The following ABCC4 variants were observed in gnomAD, a reference collection of about 807,000 sequenced individuals.
ABCC4 encodes ATP binding cassette subfamily C member 4 (PEL blood group).
ABCC4 carries 102 observed loss-of-function variants against 168.5 expected under a neutral mutation model. That is an observed-to-expected ratio of 0.61 (90% CI 0.52 to 0.71). The LOEUF (loss-of-function observed/expected upper bound fraction) is 0.71. Ranked by LOEUF, ABCC4 falls within the 30% of genes least tolerant of loss-of-function variation. The pLI, the probability that ABCC4 is intolerant of heterozygous loss-of-function variation, is 0.00. For synonymous variants in ABCC4, 617 were observed against 590.7 expected (o/e 1.04, Z -0.65); for missense variants, 1,402 against 1,605.8 (o/e 0.87, Z 2.17).
chr13:95,146,935 T>C (rs896918490), intron 19 of ABCC4, among the ~76,000 whole-genome samples: 17 of 152,128 alleles, frequency 1.1e-4, no homozygotes, highest in African/African-American at 3.9e-4. Context: ...TCTAAAACAT[T>C]CAAGGGTGGG....
At position 95,164,638 on chromosome 13, in the gene ABCC4, C is replaced by G. The variant is rs966270084; in HGVS notation, c.2035-120G>C. ...GGCAGAAGTCCAAAATGATCCATCT[C>G]CTGTGGAGAAGGGTGTGGAAATAGC... On this transcript the variant is annotated intron_variant, in intron 15 of 30. Transcript: ENST00000645237. The G allele has an allele frequency of 6.8e-6, 7 of 1,034,668 alleles. No individual in the cohort carries two copies. The East Asian group carries it at 1.8e-4, about 26-fold the overall frequency. 64.1% of individuals were successfully genotyped at this position (1,034,668 alleles called of 1,614,324 possible).
At chr13:95,035,593 T>C (rs1007910165) in intron 29 of ABCC4, among the ~76,000 whole-genome samples, 6 of 152,234 alleles carry the variant, frequency 3.9e-5, no homozygotes, top group African/African-American at 1.4e-4. Flanking sequence ...TCTTTGCTTC[T>C]TTCTCTTTCT....
chr13:95,161,373 T>C, intron 18 of ABCC4, 38 bp from the exon 19 acceptor site: 2 of 1,470,076 alleles, frequency 1.4e-6, no homozygotes, highest in East Asian at 2.4e-5. Flanking sequence ...ACACAGCATA[T>C]CTCTGCATTT....
intron 1 of ABCC4, among the ~76,000 whole-genome samples, chr13:95,265,885 G>C (rs1307387441): frequency 1.3e-5 from 2 of 152,118 alleles, no homozygotes; most frequent in African/African-American, 4.8e-5. Flanking sequence ...TGTGAAGGGG[G>C]AAAGACTAAA....
At chr13:95,027,704 A>C (rs957204034) in intron 30 of ABCC4, among the ~76,000 whole-genome samples, 1 of 152,238 alleles carries the variant, frequency 6.6e-6, no homozygotes, top group Non-Finnish European at 1.5e-5. Flanking sequence ...GTCAAGAAAC[A>C]GCATTTAGAG....
At chr13:95,191,094 G>C (rs535782973) in intron 9 of ABCC4, among the ~76,000 whole-genome samples, 1 of 152,296 alleles carries the variant, frequency 6.6e-6, no homozygotes, top group South Asian at 2.1e-4. Context: ...CACTGAGCTG[G>C]CGCAGCCCAC....
intron 19 of ABCC4, among the ~76,000 whole-genome samples, chr13:95,146,790 A>C (rs1483502924): frequency 6.6e-6 from 1 of 152,146 alleles, no homozygotes; most frequent in Non-Finnish European, 1.5e-5. Flanking sequence ...TTGTCAAATA[A>C]ATTTATAATG....
At chr13:95,036,093 A>T (rs919180490) in intron 29 of ABCC4, among the ~76,000 whole-genome samples, 3 of 152,188 alleles carry the variant, frequency 2.0e-5, no homozygotes, top group Non-Finnish European at 4.4e-5. Context: ...CAATTTAGAT[A>T]CCCCAAATGT....
At position 95,151,202 on chromosome 13, in the gene ABCC4, T is replaced by C. The variant is rs1011032633; in HGVS notation, c.2455+9987A>G. Reference sequence around the variant, plus strand: ...GTTTTTAGAAGTAATCCATTGTTGGTCTAGTGTGGTGGCTCACACCTGTCC... The same window carrying C: ...GTTTTTAGAAGTAATCCATTGTTGGCCTAGTGTGGTGGCTCACACCTGTCC... On this transcript the variant is annotated intron_variant, in intron 19 of 30. Transcript: ENST00000645237. Among the ~76,000 whole-genome samples, 5 of 152,142 alleles carry C rather than the reference T, an allele frequency of 3.3e-5. No homozygotes were observed. The South Asian group carries it at 8.3e-4, about 25-fold the overall frequency.
intron 3 of ABCC4, among the ~76,000 whole-genome samples, chr13:95,236,823 A>G (rs1201061141): frequency 6.6e-6 from 1 of 152,214 alleles, no homozygotes; most frequent in African/African-American, 2.4e-5. Context: ...AAGAGCCCCC[A>G]GTACAATGGG....
At chr13:95,289,099 C>A (rs1373238666) in intron 1 of ABCC4, among the ~76,000 whole-genome samples, 2 of 152,062 alleles carry the variant, frequency 1.3e-5, no homozygotes, top group Non-Finnish European at 2.9e-5. Flanking sequence ...ATGCACTCTC[C>A]GTCTCTCAAG....
intron 4 of ABCC4, among the ~76,000 whole-genome samples, chr13:95,225,874 C>A: frequency 6.7e-6 from 1 of 148,780 alleles, no homozygotes; most frequent in Non-Finnish European, 1.5e-5. Context: ...GTGGCTCATG[C>A]CTGTAATCCC....
chr13:95,020,780 G>C lies in ABCC4; in HGVS notation c.*795C>G, dbSNP rs2031042912. 6.6e-6 allele frequency: 1 copy of C among 152,250 alleles called. No individual in the cohort carries two copies. The highest frequency in any genetic ancestry group is 2.1e-4 in the South Asian group (1 of 4,832). 9.4% of individuals were successfully genotyped at this position (152,250 alleles called of 1,614,324 possible). ...TTTCAGGAATGTCGGTTAGAGGTTT[G>C]GCCTTCTTGGGAAGTGTCACAATGC... On this transcript the variant is annotated 3_prime_UTR_variant, in exon 31 of 31. Transcript: ENST00000645237.
At chr13:95,068,263 AC>A (rs1472919213) in intron 25 of ABCC4, among the ~76,000 whole-genome samples, 1 of 152,186 alleles carries the variant, frequency 6.6e-6, no homozygotes, top group Non-Finnish European at 1.5e-5. Context: ...GAACCAACTC[AC>A]CACGATGTTG....
intron 20 of ABCC4, among the ~76,000 whole-genome samples, chr13:95,115,272 G>GA (rs1594119507): frequency 2.3e-5 from 1 of 43,424 alleles, no homozygotes; most frequent in East Asian, 5.6e-4. Flanking sequence ...TAGGATTGTT[G>GA]GTTTTTTTTT....
At chr13:95,227,067 G>A (rs987317219) in intron 4 of ABCC4, among the ~76,000 whole-genome samples, 1 of 152,144 alleles carries the variant, frequency 6.6e-6, no homozygotes, top group Non-Finnish European at 1.5e-5. Context: ...ACAACAGAGA[G>A]CAGTTTGAGG....
chr13:95,036,511 A>AG (rs1420190123), intron 29 of ABCC4, among the ~76,000 whole-genome samples: 2 of 149,744 alleles, frequency 1.3e-5, no homozygotes, highest in African/African-American at 5.1e-5. Context: ...AAAAAGGCAG[A>AG]GCCAGAAAAA....
At chr13:95,103,762 C>T (rs1162318829) in intron 20 of ABCC4, among the ~76,000 whole-genome samples, 1 of 152,182 alleles carries the variant, frequency 6.6e-6, no homozygotes, top group Non-Finnish European at 1.5e-5. Context: ...TATCCTTCCA[C>T]CCAAATCTCT....
intron 4 of ABCC4, among the ~76,000 whole-genome samples, chr13:95,223,615 C>A (rs745713392): frequency 2.0e-5 from 3 of 152,170 alleles, no homozygotes; most frequent in Non-Finnish European, 1.5e-5. Flanking sequence ...GATTCTCCTG[C>A]CTCAGCCTCC....
Sources: allele counts gnomAD v4.1 joint callset (sites outside exome capture counted in the v4.1 genomes callset), GRCh38; gene constraint gnomAD v4.1.1; transcripts MANE v1.5; gene names NCBI Gene and HGNC (gene_info 2026-07-23, HGNC 2026-07-21).